GRM8: variants seen among roughly 807,000 people sequenced by gnomAD.
GRM8 encodes the protein glutamate metabotropic receptor 8, also known as metabotropic glutamate receptor 8.
Under a neutral mutation model 87.2 loss-of-function variants are expected in GRM8, and 47 were observed. That is an observed-to-expected ratio of 0.54 (90% CI 0.43 to 0.69). The LOEUF is 0.69. Ranked by LOEUF, GRM8 falls within the 30% of genes least tolerant of loss-of-function variation. GRM8 has a pLI of 0.00. For missense variants in GRM8, 1,019 were observed against 1,139.2 expected (o/e 0.89, Z 1.52); for synonymous variants, 396 against 404.5 (o/e 0.98, Z 0.25).
chr7:126,475,136 T>C (rs1227275191), intron 9 of GRM8, among the ~76,000 whole-genome samples: 3 of 151,876 alleles, frequency 2.0e-5, no homozygotes, highest in Non-Finnish European at 4.4e-5. Context: ...ACCAAAGCAA[T>C]TATGCAAGAA....
At chr7:126,754,362 T>C (rs1404810336) in intron 7 of GRM8, among the ~76,000 whole-genome samples, 1 of 151,888 alleles carries the variant, frequency 6.6e-6, no homozygotes, top group Non-Finnish European at 1.5e-5. Context: ...GTAAAGTAGA[T>C]AGATGTTGTC....
intron 2 of GRM8, among the ~76,000 whole-genome samples, chr7:127,199,123 G>T (rs530242126): frequency 1.3e-5 from 2 of 150,672 alleles, no homozygotes; most frequent in African/African-American, 4.9e-5. Context: ...TTACAGGCGT[G>T]AGCCACCGCA....
At chr7:126,543,621 C>T (rs17609008) in intron 8 of GRM8, among the ~76,000 whole-genome samples, 3,362 of 152,154 alleles carry the variant, frequency 0.022, 42 homozygotes, top group Non-Finnish European at 0.034. Flanking sequence ...TTTGAAAGGC[C>T]GATCATGACT....
chr7:126,781,502 T>C (rs568426383), intron 6 of GRM8, among the ~76,000 whole-genome samples: 28 of 152,292 alleles, frequency 1.8e-4, no homozygotes, highest in Admixed American at 6.5e-5. Flanking sequence ...GTATTCCCTT[T>C]TAAACAAAAA....
Position 126,742,580 on chromosome 7 carries a change from C to T in GRM8, c.1357+27285G>A, listed in dbSNP as rs1324783864. On this transcript the variant is annotated intron_variant, in intron 7 of 10. Coordinates refer to ENST00000339582, the MANE Select transcript of GRM8 (RefSeq NM_000845.3). ...TGGCCAACTCACCATTAATCAACCACGCCAAATATTTTACCCTCAGTGCCC... is the reference window on the plus strand; with the variant it reads ...TGGCCAACTCACCATTAATCAACCATGCCAAATATTTTACCCTCAGTGCCC... 5.3e-5 allele frequency among the ~76,000 whole-genome samples: 8 copies of T among 151,924 alleles called. No homozygotes were observed. The East Asian group carries it at 5.9e-4, about 11-fold the overall frequency.
chr7:127,121,264 T>C (rs914133055), intron 2 of GRM8, among the ~76,000 whole-genome samples: 1 of 152,204 alleles, frequency 6.6e-6, no homozygotes, highest in Non-Finnish European at 1.5e-5. Context: ...ACTTGGCCTA[T>C]AGAGGTTATA....
At chr7:126,938,137 T>C (rs550624426) in intron 3 of GRM8, among the ~76,000 whole-genome samples, 2 of 152,166 alleles carry the variant, frequency 1.3e-5, no homozygotes, top group Non-Finnish European at 2.9e-5. Context: ...TAGCCAATGG[T>C]ATACATGTTT....
chr7:126,640,789 G>C (rs1802302500), intron 7 of GRM8, among the ~76,000 whole-genome samples: 2 of 151,836 alleles, frequency 1.3e-5, no homozygotes, highest in South Asian at 4.2e-4. Context: ...CCTGTCTCCT[G>C]ATTTCACTTT....
At chr7:126,672,267 G>A (rs976560270) in intron 7 of GRM8, among the ~76,000 whole-genome samples, 5 of 152,180 alleles carry the variant, frequency 3.3e-5, no homozygotes, top group East Asian at 1.9e-4. Flanking sequence ...GGCATCTGCC[G>A]AGGTCACTGG....
intron 2 of GRM8, among the ~76,000 whole-genome samples, chr7:127,224,853 A>C (rs1797213557): frequency 6.6e-6 from 1 of 152,122 alleles, no homozygotes; most frequent in African/African-American, 2.4e-5. Flanking sequence ...GAACTCAAGC[A>C]ATCTGCCCGC....
intron 3 of GRM8, among the ~76,000 whole-genome samples, chr7:127,088,676 C>T (rs148404377): frequency 6.6e-6 from 1 of 152,324 alleles, no homozygotes; most frequent in East Asian, 1.9e-4. Flanking sequence ...CACCATACAG[C>T]ATGTGCAATG....
chr7:127,106,437 G>T, intron 3 of GRM8, 59 bp downstream of exon 3: 1 of 1,332,360 alleles, frequency 7.5e-7, no homozygotes, highest in Non-Finnish European at 1.1e-6. Flanking sequence ...ACTTGGAGAT[G>T]CTCAGGCATC....
intron 3 of GRM8, among the ~76,000 whole-genome samples, chr7:127,047,799 T>C (rs940684783): frequency 6.6e-6 from 1 of 152,148 alleles, no homozygotes; most frequent in Admixed American, 6.5e-5. Flanking sequence ...ATCACACCAC[T>C]ACACATAGCC....
At chr7:127,062,500 G>A (rs1008301470) in intron 3 of GRM8, among the ~76,000 whole-genome samples, 1 of 152,214 alleles carries the variant, frequency 6.6e-6, no homozygotes, top group Non-Finnish European at 1.5e-5. Flanking sequence ...GGGGACATGG[G>A]GGTGTAAGAG....
At chr7:126,530,914 C>T (rs1814711034) in intron 9 of GRM8, among the ~76,000 whole-genome samples, 1 of 152,140 alleles carries the variant, frequency 6.6e-6, no homozygotes, top group Non-Finnish European at 1.5e-5. Flanking sequence ...CTCAAACAAT[C>T]CCTGCTGTCT....
intron 7 of GRM8, among the ~76,000 whole-genome samples, chr7:126,631,740 C>A (rs1031822999): frequency 6.6e-6 from 1 of 152,104 alleles, no homozygotes; most frequent in Non-Finnish European, 1.5e-5. Flanking sequence ...CATTTACAAC[C>A]ATCTTATCTT....
Position 126,653,070 on chromosome 7 carries a change from G to A in GRM8, c.1358-43572C>T, listed in dbSNP as rs568688302. 1.4e-4 allele frequency among the ~76,000 whole-genome samples: 21 copies of A among 152,116 alleles called. No individual in the cohort carries two copies. In the South Asian group the frequency reaches 3.5e-3, roughly 26 times the overall value. On this transcript the variant is annotated intron_variant, in intron 7 of 10. Transcript: ENST00000339582. ...CACTTTAGGGAAAACTCTATAAAAC[G>A]TGTGAGAATCAAAAGAGTTCAAAAA...
At chr7:127,087,631 G>A (rs1433797833) in intron 3 of GRM8, among the ~76,000 whole-genome samples, 1 of 152,158 alleles carries the variant, frequency 6.6e-6, no homozygotes, top group African/African-American at 2.4e-5. Flanking sequence ...TAATCAATGG[G>A]CAAACAGTTT....
At chr7:126,966,539 T>C (rs1031004993) in intron 3 of GRM8, among the ~76,000 whole-genome samples, 1 of 152,172 alleles carries the variant, frequency 6.6e-6, no homozygotes, top group African/African-American at 2.4e-5. Context: ...AATAATATTA[T>C]GATGACCTTC....
Sources: gnomAD v4.1 joint callset for allele counts (sites outside exome capture counted in the v4.1 genomes callset) on GRCh38, gnomAD v4.1.1 for gene constraint, MANE v1.5 for transcripts, NCBI Gene and HGNC (gene_info 2026-07-23, HGNC 2026-07-21) for gene names.